The following SIPA1L1 variants were observed in gnomAD, a reference collection of about 807,000 sequenced individuals.
SIPA1L1 encodes the protein signal-induced proliferation-associated 1-like protein 1.
Under a neutral mutation model 162.7 loss-of-function variants are expected in SIPA1L1, and 26 were observed. The ratio of observed to expected loss-of-function variants is 0.16; its 90% CI spans 0.12 to 0.22. The LOEUF is 0.22. SIPA1L1 is among the 10% of genes least tolerant of loss of function. The probability of loss-of-function intolerance (pLI) is 1.00; values close to 1 mark genes in which losing one functional copy is unlikely to be tolerated. For synonymous variants in SIPA1L1, 829 were observed against 837.4 expected, an observed-to-expected ratio of 0.99 and a Z score of 0.17; for missense variants, 1,874 against 2,241.0, an observed-to-expected ratio of 0.84 and a Z score of 3.31.
At chr14:71,597,289 A>G (rs2036151743) in intron 5 of SIPA1L1, among the ~76,000 whole-genome samples, 1 of 151,972 alleles carries the variant, frequency 6.6e-6, no homozygotes, top group Admixed American at 6.6e-5. Context: ...CCTTATAGTT[A>G]TCTTTCATAA....
intron 2 of SIPA1L1, among the ~76,000 whole-genome samples, chr14:71,426,002 T>C (rs2043533545): frequency 6.6e-6 from 1 of 152,210 alleles, no homozygotes; most frequent in African/African-American, 2.4e-5. Context: ...GGTATTAGTA[T>C]AACCATCCTT....
At chr14:71,715,608 T>C (rs2083210069) in intron 17 of SIPA1L1, among the ~76,000 whole-genome samples, 1 of 152,264 alleles carries the variant, frequency 6.6e-6, no homozygotes, top group Admixed American at 6.5e-5. Flanking sequence ...TTTACATGTC[T>C]GTTGAAAATA....
At chr14:71,524,976 C>G (rs527945429) in intron 3 of SIPA1L1, among the ~76,000 whole-genome samples, 1 of 152,026 alleles carries the variant, frequency 6.6e-6, no homozygotes, top group African/African-American at 2.4e-5. Context: ...TTTCACTTGC[C>G]TTTTACTCTC....
chr14:71,515,834 G>A (rs765250822), intron 3 of SIPA1L1, among the ~76,000 whole-genome samples: 6 of 152,072 alleles, frequency 3.9e-5, no homozygotes. Flanking sequence ...TAGAGATGGG[G>A]TTTTACCATG....
intron 3 of SIPA1L1, among the ~76,000 whole-genome samples, chr14:71,515,805 T>C (rs368882683): frequency 1.2e-3 from 175 of 152,164 alleles, no homozygotes; most frequent in African/African-American, 4.0e-3. Context: ...GCCCAGCTAA[T>C]TTTTTTGTTG....
At chr14:71,665,009 T>C (rs1398246215) in intron 10 of SIPA1L1, among the ~76,000 whole-genome samples, 2 of 152,162 alleles carry the variant, frequency 1.3e-5, no homozygotes, top group East Asian at 3.8e-4. Flanking sequence ...TAAAAAGGCC[T>C]ACTAATGCAG....
At chr14:71,666,426 A>C (rs1423563385) in intron 10 of SIPA1L1, among the ~76,000 whole-genome samples, 2 of 152,156 alleles carry the variant, frequency 1.3e-5, no homozygotes, top group Non-Finnish European at 2.9e-5. Context: ...TTTGGATCCC[A>C]ATTTAGACAA....
chr14:71,671,797 C>G (rs2044546218), intron 11 of SIPA1L1, 105 bp downstream of exon 11: 1 of 794,390 alleles, frequency 1.3e-6, no homozygotes, highest in Admixed American at 2.9e-5. Flanking sequence ...ATTAGCTCCT[C>G]TGAAAACTCC....
At chr14:71,619,531 AAG>A (rs1179742710) in intron 6 of SIPA1L1, among the ~76,000 whole-genome samples, 1 of 152,138 alleles carries the variant, frequency 6.6e-6, no homozygotes, top group African/African-American at 2.4e-5. Context: ...GAAAAATAAA[AAG>A]AACCCACACA....
intron 2 of SIPA1L1, among the ~76,000 whole-genome samples, chr14:71,335,705 CCT>C (rs1269143783): frequency 6.6e-6 from 1 of 152,142 alleles, no homozygotes; most frequent in African/African-American, 2.4e-5. Context: ...AGCAAAAGGA[CCT>C]CTCTCTACAT....
At chr14:71,736,202 C>A (rs370251245) in intron 22 of SIPA1L1, among the ~76,000 whole-genome samples, 1 of 152,154 alleles carries the variant, frequency 6.6e-6, no homozygotes, top group East Asian at 1.9e-4. Context: ...TTGAAACCAG[C>A]CTGGGCAACA....
chr14:71,560,964 C>G (rs2146588311), intron 4 of SIPA1L1, among the ~76,000 whole-genome samples: 1 of 152,108 alleles, frequency 6.6e-6, no homozygotes, highest in East Asian at 1.9e-4. Context: ...TTAGAGACTT[C>G]CTTGTTATTA....
intron 2 of SIPA1L1, among the ~76,000 whole-genome samples, chr14:71,395,525 C>T (rs2041112455): frequency 6.6e-6 from 1 of 152,104 alleles, no homozygotes; most frequent in African/African-American, 2.4e-5. Context: ...TAGCTGGGCG[C>T]AGTAGGACTT....
intron 2 of SIPA1L1, among the ~76,000 whole-genome samples, chr14:71,491,088 G>A (rs1332162611): frequency 6.6e-6 from 1 of 151,944 alleles, no homozygotes; most frequent in African/African-American, 2.4e-5. Context: ...ACAGGATGTC[G>A]ATATTTAAAA....
chr14:71,500,728 A>G (rs1261770005), intron 2 of SIPA1L1, among the ~76,000 whole-genome samples: 1 of 152,208 alleles, frequency 6.6e-6, no homozygotes, highest in Non-Finnish European at 1.5e-5. Flanking sequence ...AGAAGGGGGC[A>G]GGGTGCAGTG....
chr14:71,626,594 G>A (rs2040010867), intron 7 of SIPA1L1, among the ~76,000 whole-genome samples: 2 of 152,176 alleles, frequency 1.3e-5, no homozygotes, highest in Non-Finnish European at 2.9e-5. Context: ...AAGTGCAGTG[G>A]ATTATGCATA....
intron 4 of SIPA1L1, among the ~76,000 whole-genome samples, chr14:71,577,080 A>C (rs2033154017): frequency 6.6e-6 from 1 of 151,462 alleles, no homozygotes; most frequent in Admixed American, 6.6e-5. Context: ...AAAAAAAAAA[A>C]AAAAAGAAGA....
At chr14:71,393,509 T>C (rs2040934558) in intron 2 of SIPA1L1, among the ~76,000 whole-genome samples, 1 of 152,178 alleles carries the variant, frequency 6.6e-6, no homozygotes, top group Non-Finnish European at 1.5e-5. Context: ...CAGGACTTGC[T>C]TTAGTAATAG....
intron 15 of SIPA1L1, among the ~76,000 whole-genome samples, chr14:71,703,317 T>C (rs900402566): frequency 6.6e-6 from 1 of 152,238 alleles, no homozygotes; most frequent in Non-Finnish European, 1.5e-5. Flanking sequence ...AAAGATAATC[T>C]TATAAGACAA....
Sources: gnomAD v4.1 joint callset for allele counts (sites outside exome capture counted in the v4.1 genomes callset) on GRCh38, gnomAD v4.1.1 for gene constraint, MANE v1.5 for transcripts, NCBI Gene and HGNC (gene_info 2026-07-23, HGNC 2026-07-21) for gene names.